Variants in PAG1 observed in about 807,000 individuals in gnomAD.
PAG1 encodes the protein phosphoprotein membrane anchor with glycosphingolipid microdomains 1.
PAG1 carries 23 observed loss-of-function variants against 31.7 expected under a neutral mutation model. The ratio of observed to expected loss-of-function variants is 0.73; its 90% CI spans 0.52 to 1.03. The LOEUF (loss-of-function observed/expected upper bound fraction) is 1.03, where lower values mean the gene tolerates loss of function less well. PAG1 is among the 50% of genes least tolerant of loss of function. The pLI is 0.00. For synonymous variants in PAG1, 214 were observed against 210.3 expected (o/e 1.02, Z -0.15); for missense variants, 473 against 540.7 (o/e 0.87, Z 1.24).
intron 3 of PAG1, among the ~76,000 whole-genome samples, chr8:81,008,560 TATATA>T (rs1807927243): frequency 6.7e-6 from 1 of 148,344 alleles, no homozygotes; most frequent in Non-Finnish European, 1.5e-5. Flanking sequence ...TATATACTAA[TATATA>T]ATATATATAA....
rs186008441 is a variant in PAG1 at position 80,994,033 on chromosome 8, C to A, written c.-80-726G>T. 2.3e-3 allele frequency among the ~76,000 whole-genome samples: 353 copies of A among 150,764 alleles called. 6 individuals carry two copies. In the East Asian group the frequency reaches 0.04, roughly 17 times the overall value. ...TTCTTATATAGCTTTTGCAAAAATG[C>A]AACTCATCACCTGCCCCTGCCCCCC... On this transcript the variant is annotated intron_variant, in intron 3 of 8. Coordinates refer to ENST00000220597, the MANE Select transcript of PAG1 (RefSeq NM_018440.4).
At chr8:81,018,551 G>T (rs979378603) in intron 3 of PAG1, among the ~76,000 whole-genome samples, 1 of 152,172 alleles carries the variant, frequency 6.6e-6, no homozygotes, top group Non-Finnish European at 1.5e-5. Flanking sequence ...TGAATCATAG[G>T]GGCAGGTCTT....
chr8:81,079,174 C>T (rs1437983667), intron 1 of PAG1, among the ~76,000 whole-genome samples: 1 of 151,996 alleles, frequency 6.6e-6, no homozygotes, highest in Non-Finnish European at 1.5e-5. Flanking sequence ...TGATTTCCCC[C>T]CCTTACTTCC....
intron 2 of PAG1, among the ~76,000 whole-genome samples, chr8:81,064,835 T>C (rs1316406361): frequency 6.6e-6 from 1 of 152,200 alleles, no homozygotes; most frequent in Non-Finnish European, 1.5e-5. Context: ...CCAGGTTATC[T>C]CCATGCCTGA....
chr8:81,050,418 A>G (rs1563643197), intron 2 of PAG1, among the ~76,000 whole-genome samples: 1 of 152,024 alleles, frequency 6.6e-6, no homozygotes, highest in East Asian at 1.9e-4. Context: ...CCTCTTTGAA[A>G]TTCAGTTTTG....
At chr8:81,016,867 A>G (rs191601148) in intron 3 of PAG1, among the ~76,000 whole-genome samples, 1 of 152,328 alleles carries the variant, frequency 6.6e-6, no homozygotes, top group East Asian at 1.9e-4. Flanking sequence ...ATACTTAGGC[A>G]TTCTCTAGGA....
At chr8:81,072,593 A>G (rs975938257) in intron 1 of PAG1, among the ~76,000 whole-genome samples, 1 of 152,170 alleles carries the variant, frequency 6.6e-6, no homozygotes, top group Non-Finnish European at 1.5e-5. Flanking sequence ...AATCCCAGCT[A>G]CTTAGGAGGC....
chr8:81,026,838 C>T (rs1381653723), intron 3 of PAG1, among the ~76,000 whole-genome samples: 5 of 152,104 alleles, frequency 3.3e-5, no homozygotes, highest in African/African-American at 9.7e-5. Flanking sequence ...CTCAACCTCA[C>T]GTCCCTCAGT....
intron 2 of PAG1, among the ~76,000 whole-genome samples, chr8:81,036,494 G>GTAC (rs1377644742): frequency 1.3e-5 from 2 of 152,084 alleles, no homozygotes; most frequent in African/African-American, 4.8e-5. Context: ...CAACCTCAAA[G>GTAC]TACAGATATT....
intron 7 of PAG1, among the ~76,000 whole-genome samples, chr8:80,982,662 T>C (rs1807332558): frequency 6.6e-6 from 1 of 152,166 alleles, no homozygotes; most frequent in Non-Finnish European, 1.5e-5. Context: ...AATCGGTATC[T>C]CAAGTTGAAC....
chr8:81,037,148 T>C (rs1808474575), intron 2 of PAG1: 1 of 152,150 alleles, frequency 6.6e-6, no homozygotes, highest in African/African-American at 2.4e-5. Context: ...AGTGGTGTGG[T>C]TTAATGAAAA....
At chr8:81,108,773 C>T (rs1004581790) in intron 1 of PAG1, among the ~76,000 whole-genome samples, 8 of 152,228 alleles carry the variant, frequency 5.3e-5, no homozygotes, top group Admixed American at 2.0e-4. Flanking sequence ...CACAGCACCC[C>T]GGAATCTGCT....
intron 2 of PAG1, among the ~76,000 whole-genome samples, chr8:81,059,187 A>C (rs1808877087): frequency 6.6e-6 from 1 of 152,158 alleles, no homozygotes; most frequent in Admixed American, 6.5e-5. Context: ...ATACATTGTA[A>C]ATGCTATGTA....
chr8:80,991,610 TC>T, intron 4 of PAG1, 80 bp from the exon 5 acceptor site: 2 of 909,496 alleles, frequency 2.2e-6, no homozygotes, highest in Middle Eastern at 2.1e-4. Flanking sequence ...CTATCCCAAT[TC>T]TTATCAGCTT....
chr8:81,010,315 T>C (rs1249066549), intron 3 of PAG1, among the ~76,000 whole-genome samples: 1 of 152,214 alleles, frequency 6.6e-6, no homozygotes, highest in Non-Finnish European at 1.5e-5. Context: ...TCACACAACA[T>C]AAAGACTCAG....
intron 2 of PAG1, among the ~76,000 whole-genome samples, chr8:81,033,878 A>C (rs748595482): frequency 6.6e-6 from 1 of 152,236 alleles, no homozygotes; most frequent in Non-Finnish European, 1.5e-5. Context: ...AGGAGGGTCT[A>C]AGGAAAGGAG....
chr8:81,009,110 G>A (rs971766435), intron 3 of PAG1, among the ~76,000 whole-genome samples: 2 of 152,088 alleles, frequency 1.3e-5, no homozygotes, highest in Admixed American at 6.5e-5. Context: ...TGGCTGGCTG[G>A]ATGCTCAAAG....
intron 3 of PAG1, among the ~76,000 whole-genome samples, chr8:81,001,305 C>G (rs923453161): frequency 6.6e-6 from 1 of 152,188 alleles, no homozygotes; most frequent in African/African-American, 2.4e-5. Flanking sequence ...CCAGTAGGCA[C>G]TTAATATTTA....
At chr8:81,057,469 G>T (rs530301839) in intron 2 of PAG1, among the ~76,000 whole-genome samples, 1 of 147,252 alleles carries the variant, frequency 6.8e-6, no homozygotes, top group Non-Finnish European at 1.5e-5. Flanking sequence ...CTACCACAAG[G>T]ACAAAAAACC....
Sources: gnomAD v4.1 joint callset for allele counts (sites outside exome capture counted in the v4.1 genomes callset) on GRCh38, gnomAD v4.1.1 for gene constraint, MANE v1.5 for transcripts, NCBI Gene and HGNC (gene_info 2026-07-23, HGNC 2026-07-21) for gene names.